The following ADCY8 variants were observed in gnomAD, a reference collection of about 807,000 sequenced individuals.
The protein encoded by ADCY8 is adenylate cyclase 8, also known as adenylate cyclase type 8.
In ADCY8, 51 loss-of-function variants were observed where a neutral mutation model predicts 119.7. The ratio of observed to expected loss-of-function variants is 0.43; its 90% confidence interval spans 0.34 to 0.54. The LOEUF (loss-of-function observed/expected upper bound fraction) is 0.54. ADCY8 is among the 20% of genes least tolerant of loss of function. The pLI, the probability that ADCY8 is intolerant of heterozygous loss-of-function variation, is 0.03. For synonymous variants in ADCY8, 665 were observed against 651.0 expected (o/e 1.02, Z -0.33); for missense variants, 1,383 against 1,598.8 (o/e 0.87, Z 2.30).
intron 1 of ADCY8, among the ~76,000 whole-genome samples, chr8:130,993,242 T>C (rs1358275902): frequency 2.0e-5 from 3 of 152,170 alleles, no homozygotes; most frequent in Non-Finnish European, 4.4e-5. Flanking sequence ...AAGGGTTTAA[T>C]ACATCAGAAA....
chr8:130,838,760 CT>C lies in ADCY8; in HGVS notation c.2503-2312del. Among the ~76,000 whole-genome samples, 2 of 141,360 alleles carry C rather than the reference CT, an allele frequency of 1.4e-5. 1 individual carries two copies. The highest frequency in any genetic ancestry group is 3.2e-5 in the Non-Finnish European group (2 of 62,306). The allele number at this position is 141,360 out of a possible 152,430, so 92.7% of individuals were successfully genotyped here. On this transcript the variant is annotated intron_variant, in intron 11 of 17. Coordinates refer to ENST00000286355, the MANE Select transcript of ADCY8 (RefSeq NM_001115.3). ...TACAATCAAGACATGGTGCTAGGCA[CT>C]GGAAATTCAAAGGAGAGTAAGAGAT...
intron 14 of ADCY8, among the ~76,000 whole-genome samples, chr8:130,811,782 T>C (rs1393330473): frequency 3.3e-5 from 5 of 152,208 alleles, no homozygotes; most frequent in Admixed American, 3.3e-4. Flanking sequence ...TGAGATGGCC[T>C]GATGGCTCTG....
intron 8 of ADCY8, among the ~76,000 whole-genome samples, chr8:130,879,611 A>C (rs1190842540): frequency 6.6e-6 from 1 of 152,210 alleles, no homozygotes; most frequent in East Asian, 1.9e-4. Flanking sequence ...CCTAAAAATA[A>C]ATAAGCAAAA....
chr8:131,040,065 G>A lies in ADCY8; in HGVS notation c.269C>T (p.Pro90Leu), dbSNP rs754884849. Reference sequence around the variant, plus strand: ...CTCTCCCGGGCCCAGCGAGTAGAGGGGCAGCGCCGAGTCGCCTGACAGCTG... The same window carrying A: ...CTCTCCCGGGCCCAGCGAGTAGAGGAGCAGCGCCGAGTCGCCTGACAGCTG... ...APQLSGDSAL[P>L]LYSLGPGERA... The change falls in exon 1 of 18, where the codon CCC (proline) becomes CTC (leucine). Residue 90 changes from proline (P) to leucine (L), a missense_variant. By Grantham distance (98) the Pro-to-Leu change is moderately conservative (BLOSUM62 -3). Coordinates refer to ENST00000286355, the MANE Select transcript of ADCY8 (RefSeq NM_001115.3). 2.1e-5 allele frequency: 32 copies of A among 1,541,968 alleles called. No individual in the cohort carries two copies. In the Admixed American group the frequency reaches 3.8e-4, roughly 19 times the overall value.
In ADCY8 at chr8:131,032,511, G is replaced by A. The variant is rs918112820; in HGVS notation, c.960+6863C>T. ...TATCTGACAACACCTTGTCAGATAA[G>A]CTCTGTTCCTTTATCGAGAAGGTAG... On this transcript the variant is annotated intron_variant, in intron 1 of 17. Transcript: ENST00000286355. Among the ~76,000 whole-genome samples, 6 of 152,230 alleles carry A rather than the reference G, an allele frequency of 3.9e-5. No homozygotes were observed. In the South Asian group the frequency reaches 1.2e-3, roughly 32 times the overall value.
rs181415778 is a variant in ADCY8, at chr8:131,026,186, A to C, written c.960+13188T>G. On this transcript the variant is annotated intron_variant, in intron 1 of 17. Coordinates refer to ENST00000286355, the MANE Select transcript of ADCY8 (RefSeq NM_001115.3). ...TTAAGAGGTGGGAGGTGAATGTGTC[A>C]TGAGGGTGGAGCCTTCATGAATGGG... Among the ~76,000 whole-genome samples the C allele has an allele frequency of 5.3e-5, 8 of 152,312 alleles. No individual in the cohort carries two copies. In the East Asian group the frequency reaches 1.5e-3, roughly 29 times the overall value.
chr8:130,874,315 AAATAAATAAATAAATAAAT>A (rs1818477445), intron 8 of ADCY8, among the ~76,000 whole-genome samples: 5 of 17,386 alleles, frequency 2.9e-4, no homozygotes, highest in African/African-American at 7.0e-4. Context: ...CTTAAAAAAT[AAATAAATAAATAAATAAAT>A]AAATAAATAA....
intron 15 of ADCY8, among the ~76,000 whole-genome samples, chr8:130,796,988 C>T (rs1369330091): frequency 6.6e-6 from 1 of 152,240 alleles, no homozygotes. Flanking sequence ...GCACTGCCCT[C>T]TTTCTCCGCT....
At chr8:130,972,583 T>C (rs1195129460) in intron 2 of ADCY8, among the ~76,000 whole-genome samples, 1 of 152,190 alleles carries the variant, frequency 6.6e-6, no homozygotes, top group Non-Finnish European at 1.5e-5. Flanking sequence ...TGAAAAATGG[T>C]ATTTCTTAAA....
intron 14 of ADCY8, among the ~76,000 whole-genome samples, chr8:130,807,767 G>A (rs867382516): frequency 6.6e-6 from 1 of 151,570 alleles, no homozygotes; most frequent in Non-Finnish European, 1.5e-5. Context: ...GGCGGATCAC[G>A]AGGTCAGGAG....
In ADCY8 at chr8:131,039,994, C is replaced by T; in HGVS notation, c.340G>A (p.Gly114Arg). 6.4e-7 allele frequency: 1 copy of T among 1,567,672 alleles called. No individual in the cohort carries two copies. ...CCGCTGCCGCTGGCACTGCCGCTCCCGCTGCGTTCCGGGAAGACTTTGGTG... is the reference window on the plus strand; with the variant it reads ...CCGCTGCCGCTGGCACTGCCGCTCCTGCTGCGTTCCGGGAAGACTTTGGTG... ...CGTKVFPERS[G>R]SGSASGSGGG... The change falls in exon 1 of 18, where the codon GGG becomes AGG. Residue 114 changes from glycine to arginine, a missense_variant. This residue lies in a region of ADCY8 where 455 missense variants were observed against 435.3 expected (regional missense o/e 1.05). Transcript: ENST00000286355.
intron 1 of ADCY8, among the ~76,000 whole-genome samples, chr8:131,039,154 A>G (rs377536240): frequency 4.3e-4 from 65 of 152,374 alleles, no homozygotes; most frequent in African/African-American, 1.6e-3. Context: ...GAATCAGAGT[A>G]GAAGGGTAGA....
At chr8:131,036,239 T>A (rs566055168) in intron 1 of ADCY8, among the ~76,000 whole-genome samples, 2 of 152,298 alleles carry the variant, frequency 1.3e-5, no homozygotes, top group Admixed American at 1.3e-4. Flanking sequence ...TTTTTCATCA[T>A]TAGATATGAT....
intron 9 of ADCY8, among the ~76,000 whole-genome samples, chr8:130,851,515 C>A (rs147751315): frequency 4.1e-4 from 63 of 152,248 alleles, no homozygotes; most frequent in African/African-American, 1.5e-3. Context: ...GAGCTTTGTC[C>A]TGTAGGCAAT....
chr8:130,922,216 T>C (rs1227066821), intron 5 of ADCY8, among the ~76,000 whole-genome samples: 1 of 151,614 alleles, frequency 6.6e-6, no homozygotes, highest in East Asian at 1.9e-4. Flanking sequence ...TTCTTTTTTT[T>C]TTTTTTTTTT....
At chr8:130,880,548 T>C (rs1289543909) in intron 8 of ADCY8, among the ~76,000 whole-genome samples, 1 of 152,156 alleles carries the variant, frequency 6.6e-6, no homozygotes, top group East Asian at 1.9e-4. Context: ...CTAGCCTGAC[T>C]AAAGAAGGGC....
chr8:130,827,295 G>A (rs1392076689), intron 12 of ADCY8, among the ~76,000 whole-genome samples: 1 of 152,162 alleles, frequency 6.6e-6, no homozygotes, highest in African/African-American at 2.4e-5. Context: ...CTGGCAAGTT[G>A]TGCCAATCAT....
chr8:130,948,065 T>C (rs1240184694), intron 3 of ADCY8, among the ~76,000 whole-genome samples: 1 of 152,112 alleles, frequency 6.6e-6, no homozygotes, highest in Non-Finnish European at 1.5e-5. Context: ...CCCCTTCCAA[T>C]AACCAAATGC....
Position 130,821,354 on chromosome 8 carries a change from G to A in ADCY8, c.2742C>T (p.Tyr914=). 1 of 1,613,160 alleles carries A rather than the reference G, an allele frequency of 6.2e-7. No homozygotes were observed. The highest frequency in any genetic ancestry group is 8.5e-7 in the Non-Finnish European group (1 of 1,179,288). The change falls in exon 13 of 18, where the codon TAC becomes TAT. Residue 914 remains tyrosine, a synonymous_variant. Coordinates refer to ENST00000286355, the MANE Select transcript of ADCY8 (RefSeq NM_001115.3). ...LMAMFLLAVF[Y]HGQQLEYTAR... ...AATGTTAGATTACCTGCTGTCCATGGTAGAACACAGCCAGGAGGAACATGG... is the reference window on the plus strand; with the variant it reads ...AATGTTAGATTACCTGCTGTCCATGATAGAACACAGCCAGGAGGAACATGG...
Sources: allele counts gnomAD v4.1 joint callset (sites outside exome capture counted in the v4.1 genomes callset), GRCh38; gene constraint gnomAD v4.1.1; regional missense constraint gnomAD v4.1.1; transcripts MANE v1.5; gene names NCBI Gene and HGNC (gene_info 2026-07-23, HGNC 2026-07-21).